The following FGF9 variants were observed in gnomAD, a reference collection of about 807,000 sequenced individuals.
FGF9 encodes fibroblast growth factor 9 (glia-activating factor).
A neutral mutation model predicts 19.9 loss-of-function variants in FGF9; 3 were observed. The observed-to-expected ratio is 0.15, with a 90% CI of 0.07 to 0.39. The LOEUF (loss-of-function observed/expected upper bound fraction) is 0.39, where lower values mean the gene tolerates loss of function less well. Among genes scored for constraint, FGF9 ranks in the 10% least tolerant of loss-of-function variants. The pLI, the probability that FGF9 is intolerant of heterozygous loss-of-function variation, is 1.00. For synonymous variants in FGF9, 107 were observed against 106.9 expected, an observed-to-expected ratio of 1.00 and a Z score of -0.01; for missense variants, 175 against 256.8, an observed-to-expected ratio of 0.68 and a Z score of 2.18.
chr13:21,671,630 G>GATCT lies in FGF9; in HGVS notation c.-276_-273dup. The GATCT allele has an allele frequency of 1.8e-6, 1 of 563,880 alleles. No homozygotes were observed. The highest frequency in any genetic ancestry group is 2.8e-5 in the East Asian group (1 of 35,096). The allele number at this position is 563,880 out of a possible 1,614,324, so 34.9% of individuals were successfully genotyped here. ...ACCTTCCTGCCTGCTAAGAGCTGGG[G>GATCT]ATCTATCTATAGAGATACATAGATA... On this transcript the variant is annotated 5_prime_UTR_variant, in exon 1 of 3. It introduces an in-frame stop codon into an upstream open reading frame of the 5' UTR. Coordinates refer to ENST00000382353, the MANE Select transcript of FGF9 (RefSeq NM_002010.3).
intron 2 of FGF9, among the ~76,000 whole-genome samples, chr13:21,697,430 A>G (rs922061983): frequency 6.6e-6 from 1 of 152,110 alleles, no homozygotes; most frequent in Non-Finnish European, 1.5e-5. Context: ...TACAGGCATA[A>G]GCTGCTGTGC....
chr13:21,699,235 A>C (rs189750137), intron 2 of FGF9, among the ~76,000 whole-genome samples: 3 of 152,238 alleles, frequency 2.0e-5, no homozygotes, highest in African/African-American at 7.2e-5. Flanking sequence ...CCCTCAGGTG[A>C]GAGTATTCCA....
At position 21,672,060 on chromosome 13, in the gene FGF9, G is replaced by T; in HGVS notation, c.148G>T (p.Ala50Ser). 1 of 1,614,216 alleles carries T rather than the reference G, an allele frequency of 6.2e-7. No homozygotes were observed. The highest frequency in any genetic ancestry group is 8.5e-7 in the Non-Finnish European group (1 of 1,180,050). Reference sequence around the variant, plus strand: ...AGCAGGGGGGCTCCCCAGGGGACCCGCAGTCACGGACTTGGATCATTTAAA... The same window carrying T: ...AGCAGGGGGGCTCCCCAGGGGACCCTCAGTCACGGACTTGGATCATTTAAA... Reference protein sequence around the residue: ...SEAGGLPRGPAVTDLDHLKGI... With the variant: ...SEAGGLPRGPSVTDLDHLKGI... Residue 50 changes from alanine (A) to serine (S), a missense_variant, in exon 1 of 3, where the codon GCA (alanine) becomes TCA (serine). Physicochemically the swap from Ala to Ser is moderately conservative, Grantham distance 99. Coordinates refer to ENST00000382353, the MANE Select transcript of FGF9 (RefSeq NM_002010.3). The surrounding 1 kb of genome is among the most constrained non-coding windows in gnomAD (Gnocchi z 4.2).
intron 2 of FGF9, among the ~76,000 whole-genome samples, chr13:21,681,515 C>T (rs1352348762): frequency 1.3e-5 from 2 of 152,188 alleles, no homozygotes; most frequent in African/African-American, 4.8e-5. Context: ...AGAAATAGAC[C>T]ATGCAGTGAA....
chr13:21,698,053 C>T (rs1307507245), intron 2 of FGF9, among the ~76,000 whole-genome samples: 1 of 152,192 alleles, frequency 6.6e-6, no homozygotes, highest in Non-Finnish European at 1.5e-5. Context: ...CGTGATCCGC[C>T]CGCCTCGGCC....
chr13:21,671,363 C>T lies in FGF9; in HGVS notation c.-550C>T, dbSNP rs1465246233. On this transcript the variant is annotated 5_prime_UTR_variant, in exon 1 of 3. Coordinates refer to ENST00000382353, the MANE Select transcript of FGF9 (RefSeq NM_002010.3). Reference sequence around the variant, plus strand: ...ACCGGGAGGGGAGATTTGTCGCCGCCACCAACGTGAGATTTTTTTTTCCCC... The same window carrying T: ...ACCGGGAGGGGAGATTTGTCGCCGCTACCAACGTGAGATTTTTTTTTCCCC... 1.5e-5 allele frequency: 6 copies of T among 395,598 alleles called. No homozygotes were observed. The highest frequency in any genetic ancestry group is 8.8e-5 in the Admixed American group (2 of 22,662). 24.5% of individuals were successfully genotyped at this position (395,598 alleles called of 1,614,324 possible). A position where few individuals can be genotyped will look rare whatever the true frequency, so the allele number is the denominator to read the frequency against.
rs1871766220 is a variant in FGF9, at chr13:21,671,518, C to CA, written c.-394dup. The CA allele has an allele frequency of 2.0e-6, 1 of 489,140 alleles. No homozygotes were observed. The highest frequency in any genetic ancestry group is 4.3e-5 in the South Asian group (1 of 23,034). 30.3% of individuals were successfully genotyped at this position (489,140 alleles called of 1,614,324 possible). ...AAAAATCCCTATAATAACGCCTAGGCATTTAAGTTGCTATGGTCATTCTGA... is the reference window on the plus strand; with the variant it reads ...AAAAATCCCTATAATAACGCCTAGGCAATTTAAGTTGCTATGGTCATTCTGA... On this transcript the variant is annotated 5_prime_UTR_variant, in exon 1 of 3. Transcript: ENST00000382353.
At position 21,672,075 on chromosome 13, in the gene FGF9, G is replaced by C. The variant is rs1871782573; in HGVS notation, c.163G>C (p.Asp55His). 1 of 1,614,226 alleles carries C rather than the reference G, an allele frequency of 6.2e-7. No individual in the cohort carries two copies. Among genetic ancestry groups the C allele is most frequent in the Middle Eastern group, 1.6e-4 (1 of 6,062 alleles). Reference sequence around the variant, plus strand: ...CAGGGGACCCGCAGTCACGGACTTGGATCATTTAAAGGGGATTCTCAGGCG... The same window carrying C: ...CAGGGGACCCGCAGTCACGGACTTGCATCATTTAAAGGGGATTCTCAGGCG... ...LPRGPAVTDL[D>H]HLKGILRRRQ... Residue 55 changes from aspartate to histidine, a missense_variant, in exon 1 of 3, where the codon GAT (aspartate) becomes CAT (histidine). Transcript: ENST00000382353. The surrounding 1 kb of genome is among the most constrained non-coding windows in gnomAD (Gnocchi z 4.2).
In FGF9 at chr13:21,671,154, C is replaced by T. The variant is rs1593087911; in HGVS notation, c.-759C>T. On this transcript the variant is annotated 5_prime_UTR_variant, in exon 1 of 3. Coordinates refer to ENST00000382353, the MANE Select transcript of FGF9 (RefSeq NM_002010.3). The stretch of plus-strand genomic sequence containing the variant: ...GCTCCGCGAGCCGGCGCGGCAACAC[C>T]TGTTCGCGGCAGCCTGGGCGGCACG... Among the ~76,000 whole-genome samples, 1 of 152,224 alleles carries T rather than the reference C, an allele frequency of 6.6e-6. No individual in the cohort carries two copies. The highest frequency in any genetic ancestry group is 2.4e-5 in the African/African-American group (1 of 41,456).
intron 2 of FGF9, among the ~76,000 whole-genome samples, chr13:21,683,095 C>T (rs1453964820): frequency 6.6e-6 from 1 of 152,202 alleles, no homozygotes; most frequent in Non-Finnish European, 1.5e-5. Flanking sequence ...GATCACCTTG[C>T]ACACCCCTCT....
chr13:21,687,400 A>G (rs1872186214), intron 2 of FGF9, among the ~76,000 whole-genome samples: 1 of 152,230 alleles, frequency 6.6e-6, no homozygotes, highest in Admixed American at 6.5e-5. Flanking sequence ...ATTAAACTAG[A>G]TAACTAGATA....
In FGF9 at chr13:21,701,553, C is replaced by T. The variant is rs1384452027; in HGVS notation, c.*118C>T. The T allele has an allele frequency of 6.5e-6, 9 of 1,385,838 alleles. No homozygotes were observed. Among genetic ancestry groups the T allele is most frequent in the African/African-American group, 2.9e-5 (2 of 70,126 alleles). 85.8% of individuals were successfully genotyped at this position (1,385,838 alleles called of 1,614,324 possible). On this transcript the variant is annotated 3_prime_UTR_variant, in exon 3 of 3. Transcript: ENST00000382353. ...CAGCTCCACTGTTGCCAAACTTTGT[C>T]GCATGCATAATGTATGATGGAGGCT...
chr13:21,704,310 G>T lies in FGF9; in HGVS notation c.*2875G>T, dbSNP rs748459069. ...CAGTGGTGAAGGACATGCTAGGTCA[G>T]TGTTGGGGAACCTGCCCTGCCAGGT... is the stretch of plus-strand genomic sequence containing the variant. On this transcript the variant is annotated 3_prime_UTR_variant, in exon 3 of 3. Transcript: ENST00000382353. 1 of 152,230 alleles carries T rather than the reference G, an allele frequency of 6.6e-6. No individual in the cohort carries two copies. The highest frequency in any genetic ancestry group is 2.4e-5 in the African/African-American group (1 of 41,462). The allele number at this position is 152,230 out of a possible 1,614,324, so 9.4% of individuals were successfully genotyped here.
At chr13:21,681,900 A>AT in intron 2 of FGF9, among the ~76,000 whole-genome samples, 1 of 152,306 alleles carries the variant, frequency 6.6e-6, no homozygotes, top group South Asian at 2.1e-4. Context: ...GACTTAATAC[A>AT]TTTTTGCTGA....
At chr13:21,692,093 G>A (rs1029068143) in intron 2 of FGF9, among the ~76,000 whole-genome samples, 16 of 151,776 alleles carry the variant, frequency 1.1e-4, no homozygotes, top group South Asian at 2.1e-4. Context: ...TGCCAAGGTC[G>A]TACCAAAGAC....
chr13:21,699,619 T>C (rs1872492560), intron 2 of FGF9, among the ~76,000 whole-genome samples: 2 of 152,008 alleles, frequency 1.3e-5, no homozygotes, highest in South Asian at 2.1e-4. Context: ...CTGCAAGGAG[T>C]TGGGGATGAT....
At chr13:21,679,976 A>AAAAAG (rs1565949377) in intron 1 of FGF9, among the ~76,000 whole-genome samples, 1 of 151,058 alleles carries the variant, frequency 6.6e-6, no homozygotes, top group African/African-American at 2.4e-5. Flanking sequence ...AAAAAAAAAA[A>AAAAAG]AATTAGCAGT....
At chr13:21,677,596 G>C (rs1871946733) in intron 1 of FGF9, among the ~76,000 whole-genome samples, 1 of 152,178 alleles carries the variant, frequency 6.6e-6, no homozygotes, top group Non-Finnish European at 1.5e-5. Context: ...GAATGATGAG[G>C]TTTCTGGTCT....
chr13:21,673,639 T>C (rs1258298128), intron 1 of FGF9, among the ~76,000 whole-genome samples: 1 of 152,192 alleles, frequency 6.6e-6, no homozygotes, highest in East Asian at 1.9e-4. Context: ...CCATCTGGCC[T>C]CTTTAAGGGC....
Sources: allele counts gnomAD v4.1 joint callset (sites outside exome capture counted in the v4.1 genomes callset), GRCh38; gene constraint gnomAD v4.1.1; non-coding constraint Gnocchi (gnomAD v3.1); transcripts MANE v1.5; gene names NCBI Gene and HGNC (gene_info 2026-07-23, HGNC 2026-07-21).